Variants in APRT observed in about 807,000 individuals in gnomAD.
The protein encoded by APRT is AMP diphosphorylase.
APRT carries 25 observed loss-of-function variants against 21.0 expected under a neutral mutation model. That is an observed-to-expected ratio of 1.19 (90% CI 0.87 to 1.66). APRT has a LOEUF of 1.66. APRT is among the 40% of genes most tolerant of loss of function. APRT has a pLI of 0.00. For missense variants in APRT, 294 were observed against 232.7 expected, an observed-to-expected ratio of 1.26 and a Z score of -1.72; for synonymous variants, 153 against 109.0, an observed-to-expected ratio of 1.40 and a Z score of -2.52.
chr16:88,810,318 C>T, intron 3 of APRT, 105 bp downstream of exon 3: 3 of 1,550,988 alleles, frequency 1.9e-6, no homozygotes, highest in Non-Finnish European at 2.6e-6. Context: ...CCACTGTAAC[C>T]ACAGCAGCTC....
chr16:88,810,469 A>G lies in APRT; in HGVS notation c.275T>C (p.Leu92Pro). 1 of 1,612,268 alleles carries G rather than the reference A, an allele frequency of 6.2e-7. No individual in the cohort carries two copies. The highest frequency in any genetic ancestry group is 1.1e-5 in the South Asian group (1 of 91,064). ...GGAGGCCCACAGAGTGGGGCCTGGC[A>G]GCTTCCCCCGCTTTCGGATGAGCAC... is the stretch of plus-strand genomic sequence containing the variant. ...GCVLIRKRGK[L>P]PGPTLWASYS... Residue 92 changes from leucine to proline, a missense_variant, in exon 3 of 5, where the codon CTG becomes CCG. Transcript: ENST00000378364.
rs1909151271 is a variant in APRT, at chr16:88,811,731, C to G, written c.81-75G>C. ...CCCCGGGGGCGAAAGACGAGGGTTC[C>G]CGCCCCGCCCGCCCGGAGGTCGCGG... On this transcript the variant is annotated intron_variant, in intron 1 of 4. Coordinates refer to ENST00000378364, the MANE Select transcript of APRT (RefSeq NM_000485.3). 4 of 1,497,648 alleles carry G rather than the reference C, an allele frequency of 2.7e-6. No individual in the cohort carries two copies. In the South Asian group the frequency reaches 3.8e-5, roughly 14 times the overall value. The allele number at this position is 1,497,648 out of a possible 1,614,324, so 92.8% of individuals were successfully genotyped here.
chr16:88,810,301 C>A, intron 3 of APRT, 122 bp downstream of exon 3: 1 of 1,526,970 alleles, frequency 6.5e-7, no homozygotes, highest in Non-Finnish European at 8.9e-7. Flanking sequence ...TCTCTGAGCT[C>A]CCAAGGCCAC....
Position 88,811,667 on chromosome 16 carries a change from G to A in APRT, c.81-11C>T. The A allele has an allele frequency of 3.8e-6, 6 of 1,571,898 alleles. No homozygotes were observed. The highest frequency in any genetic ancestry group is 5.2e-6 in the Non-Finnish European group (6 of 1,156,732). On this transcript the variant is annotated splice_polypyrimidine_tract_variant and intron_variant, in intron 1 of 4. Coordinates refer to ENST00000378364, the MANE Select transcript of APRT (RefSeq NM_000485.3). The stretch of plus-strand genomic sequence containing the variant: ...ACGGGCGAGATGTCCCTGGACCCAA[G>A]GACAGGCCTGGTGACGCCGGGGCCG...
Position 88,809,581 on chromosome 16 carries a change from ACC to A in APRT, c.*115_*116del. 1 of 1,516,782 alleles carries A rather than the reference ACC, an allele frequency of 6.6e-7. No homozygotes were observed. Among genetic ancestry groups the A allele is most frequent in the Non-Finnish European group, 9.1e-7 (1 of 1,100,040 alleles). The allele number at this position is 1,516,782 out of a possible 1,614,324, so 94.0% of individuals were successfully genotyped here. ...CTTCCAGCCCCAGGAGAGGCGCTGA[ACC>A]CCAGCAAAGGAATGTGTTCCCTGTG... is the stretch of plus-strand genomic sequence containing the variant. On this transcript the variant is annotated 3_prime_UTR_variant, in exon 5 of 5. Transcript: ENST00000378364.
chr16:88,811,222 A>G (rs1356474646), intron 2 of APRT: 8 of 488,414 alleles, frequency 1.6e-5, no homozygotes, highest in Non-Finnish European at 2.5e-5. Context: ...CAGGCGCTCA[A>G]TACCAGCTCG....
rs1400284623 is a variant in APRT, at chr16:88,809,395, C to G, written c.*303G>C. On this transcript the variant is annotated 3_prime_UTR_variant, in exon 5 of 5. Transcript: ENST00000378364. ...TGGGCATCACGCCAAGCAGCACATG[C>G]CCACAGTACAGCTGAAGTCTGGTGT... is the stretch of plus-strand genomic sequence containing the variant. The G allele has an allele frequency of 1.9e-6, 1 of 533,552 alleles. No homozygotes were observed. The highest frequency in any genetic ancestry group is 3.6e-6 in the Non-Finnish European group (1 of 277,922). 33.1% of individuals were successfully genotyped at this position (533,552 alleles called of 1,614,324 possible). A position where few individuals can be genotyped will look rare whatever the true frequency, so the allele number is the denominator to read the frequency against.
At position 88,811,903 on chromosome 16, in the gene APRT, C is replaced by T; in HGVS notation, c.-4G>A. On this transcript the variant is annotated 5_prime_UTR_variant, in exon 1 of 5. Transcript: ENST00000378364. ...GCTGCAGCTCGGAGTCGGCCATGGC[C>T]GCGTGCGAAGAGCCAGCGGCAGCCC... is the stretch of plus-strand genomic sequence containing the variant. 2.6e-6 allele frequency: 4 copies of T among 1,547,604 alleles called. No individual in the cohort carries two copies. Among genetic ancestry groups the T allele is most frequent in the Admixed American group, 1.9e-5 (1 of 51,476 alleles).
Position 88,809,763 on chromosome 16 carries a change from T to C in APRT, c.478A>G (p.Thr160Ala), listed in dbSNP as rs1597508680. 1 of 1,613,224 alleles carries C rather than the reference T, an allele frequency of 6.2e-7. No individual in the cohort carries two copies. Among genetic ancestry groups the C allele is most frequent in the East Asian group, 2.2e-5 (1 of 44,880 alleles). Residue 160 changes from threonine to alanine, a missense_variant, in exon 5 of 5, where the codon ACC becomes GCC. Transcript: ENST00000378364. ...AGCTTCTCCCTGCCCTTAAGCGAGG[T>C]CAGCTCCACCAGGCTCACGCACTCC... Reference protein sequence around the residue: ...VLECVSLVELTSLKGREKLAP... With the variant: ...VLECVSLVELASLKGREKLAP...
At chr16:88,811,215 G>T in intron 2 of APRT, 1 of 474,470 alleles carries the variant, frequency 2.1e-6, no homozygotes, top group African/African-American at 2.0e-5. Flanking sequence ...CTCGTGGCAG[G>T]CGCTCAATAC....
Position 88,811,566 on chromosome 16 carries a change from G to A in APRT, c.171C>T (p.Arg57=). ...ARHLKATHGG[R]IDYIAGLDSR... ...GGCACTCGCCTGCGATGTAGTCGATGCGGCCCCCGTGGGTCGCCTTCAGGT... is the reference window on the plus strand; with the variant it reads ...GGCACTCGCCTGCGATGTAGTCGATACGGCCCCCGTGGGTCGCCTTCAGGT... The change falls in exon 2 of 5, where the codon CGC becomes CGT. Residue 57 remains arginine (R), a synonymous_variant. Coordinates refer to ENST00000378364, the MANE Select transcript of APRT (RefSeq NM_000485.3). The A allele has an allele frequency of 6.3e-7, 1 of 1,598,784 alleles. No homozygotes were observed. The highest frequency in any genetic ancestry group is 8.5e-7 in the Non-Finnish European group (1 of 1,173,952).
Position 88,809,448 on chromosome 16 carries a change from CAGG to C in APRT, c.*247_*249del, listed in dbSNP as rs371395046. ...TCCTGGGGCTCCCTGCCCTGGGGAA[CAGG>C]AGGACAGGAGACGGCTCTTGTGGGA... On this transcript the variant is annotated 3_prime_UTR_variant, in exon 5 of 5. Coordinates refer to ENST00000378364, the MANE Select transcript of APRT (RefSeq NM_000485.3). The C allele has an allele frequency of 4.3e-4, 274 of 630,488 alleles. No homozygotes were observed. In the African/African-American group the frequency reaches 4.4e-3, roughly 10 times the overall value. The allele number at this position is 630,488 out of a possible 1,614,324, so 39.1% of individuals were successfully genotyped here. A position where few individuals can be genotyped will look rare whatever the true frequency, so the allele number is the denominator to read the frequency against.
At position 88,811,849 on chromosome 16, in the gene APRT, G is replaced by C. The variant is rs1264961051; in HGVS notation, c.51C>G (p.Pro17=). 1.9e-6 allele frequency: 3 copies of C among 1,573,128 alleles called. No individual in the cohort carries two copies. The highest frequency in any genetic ancestry group is 2.6e-6 in the Non-Finnish European group (3 of 1,161,328). The change falls in exon 1 of 5, where the codon CCC becomes CCG. Residue 17 remains proline, a synonymous_variant. Coordinates refer to ENST00000378364, the MANE Select transcript of APRT (RefSeq NM_000485.3). ...ATACCACGCCTGGGGTGGGGAAGTC[G>C]GGGAAGCTGCGGATCCGCTGCTCAA... is the stretch of plus-strand genomic sequence containing the variant. The part of the protein sequence containing the change: ...QLVEQRIRSF[P]DFPTPGVVFR...
chr16:88,809,715 G>GAGAGA lies in APRT; in HGVS notation c.521_525dup (p.Leu176SerfsTer79). 6.2e-7 allele frequency: 1 copy of GAGAGA among 1,613,434 alleles called. No homozygotes were observed. ...CCCTGTGGTCACTCATACTGCAGGA[G>GAGAGA]AGAGAAGAAGGGTACAGGTGCCAGC... On this transcript the variant is annotated frameshift_variant, in exon 5 of 5. Coordinates refer to ENST00000378364, the MANE Select transcript of APRT (RefSeq NM_000485.3). LOFTEE classifies it high-confidence loss of function.
At chr16:88,810,311 C>G (rs1909071130) in intron 3 of APRT, 112 bp downstream of exon 3, 2 of 1,542,558 alleles carry the variant, frequency 1.3e-6, no homozygotes, top group Non-Finnish European at 1.8e-6. Flanking sequence ...CCCAAGGCCA[C>G]TGTAACCACA....
rs1001552853 is a variant in APRT, at chr16:88,811,925, G to A, written c.-26C>T. 3 of 1,533,284 alleles carry A rather than the reference G, an allele frequency of 2.0e-6. No homozygotes were observed. Among genetic ancestry groups the A allele is most frequent in the African/African-American group, 1.4e-5 (1 of 72,298 alleles). 95.0% of individuals were successfully genotyped at this position (1,533,284 alleles called of 1,614,324 possible). ...GGCCGCGTGCGAAGAGCCAGCGGCAGCCCGAGCGCGCCTGCGCGGGGACGG... is the reference window on the plus strand; with the variant it reads ...GGCCGCGTGCGAAGAGCCAGCGGCAACCCGAGCGCGCCTGCGCGGGGACGG... On this transcript the variant is annotated 5_prime_UTR_variant, in exon 1 of 5. Transcript: ENST00000378364.
rs138781159 is a variant in APRT, at chr16:88,810,480, C to A, written c.264G>T (p.Lys88Asn). 2.5e-6 allele frequency: 4 copies of A among 1,612,234 alleles called. No homozygotes were observed. The highest frequency in any genetic ancestry group is 3.4e-6 in the Non-Finnish European group (4 of 1,179,946). The change falls in exon 3 of 5, where the codon AAG (lysine) becomes AAT (asparagine). Residue 88 changes from lysine to asparagine, a missense_variant. Transcript: ENST00000378364. ...ELGLGCVLIR[K>N]RGKLPGPTLW... ...GAGTGGGGCCTGGCAGCTTCCCCCG[C>A]TTTCGGATGAGCACGCAGCCCAGTC...
Position 88,811,612 on chromosome 16 carries a change from G to T in APRT, c.125C>A (p.Ala42Asp). 6.2e-7 allele frequency: 1 copy of T among 1,604,458 alleles called. No individual in the cohort carries two copies. Among genetic ancestry groups the T allele is most frequent in the African/African-American group, 1.3e-5 (1 of 74,814 alleles). The stretch of plus-strand genomic sequence containing the variant: ...CAGGTGTCGCGCCAGGAGGCCGATG[G>T]CGGCGCGGAAGGAGGCGGGGTCCTT... ...VLKDPASFRA[A>D]IGLLARHLKA... The change falls in exon 2 of 5, where the codon GCC (alanine) becomes GAC (aspartate). Residue 42 changes from alanine to aspartate, a missense_variant. Physicochemically the swap from Ala to Asp is moderately radical, Grantham distance 126. Transcript: ENST00000378364.
intron 2 of APRT, 144 bp from the exon 3 acceptor site, chr16:88,810,700 C>A: frequency 8.8e-7 from 1 of 1,135,562 alleles, no homozygotes; most frequent in South Asian, 1.4e-5. Context: ...CATCACCTAC[C>A]CGGAGCTGCT....
Sources: allele counts gnomAD v4.1 joint callset, GRCh38; gene constraint gnomAD v4.1.1; transcripts MANE v1.5; gene names NCBI Gene and HGNC (gene_info 2026-07-23, HGNC 2026-07-21).